Variants in SOX5 observed in about 807,000 individuals in gnomAD.
The protein encoded by SOX5 is SRY-box transcription factor 5, also known as transcription factor SOX-5.
In SOX5, 9 loss-of-function variants were observed where a neutral mutation model predicts 92.0. The ratio of observed to expected loss-of-function variants is 0.10; its 90% CI spans 0.06 to 0.17. SOX5 has a LOEUF of 0.17. Among genes scored for constraint, SOX5 ranks in the 10% least tolerant of loss-of-function variants. The pLI is 1.00. For synonymous variants in SOX5, 344 were observed against 336.3 expected, an observed-to-expected ratio of 1.02 and a Z score of -0.25; for missense variants, 642 against 944.5, an observed-to-expected ratio of 0.68 and a Z score of 4.20.
chr12:23,643,936 A>G (rs1429928258), intron 7 of SOX5, among the ~76,000 whole-genome samples: 5 of 152,134 alleles, frequency 3.3e-5, no homozygotes, highest in African/African-American at 7.2e-5. Flanking sequence ...GCACATTTTT[A>G]GAACCCACCC....
At chr12:24,106,093 C>A (rs531305660) in intron 4 of SOX5, among the ~76,000 whole-genome samples, 13 of 151,192 alleles carry the variant, frequency 8.6e-5, no homozygotes, top group Non-Finnish European at 1.5e-4. Context: ...AAACTAAAAT[C>A]ATTTGCATTT....
At chr12:24,099,044 A>G (rs955127189) in intron 4 of SOX5, among the ~76,000 whole-genome samples, 4 of 152,172 alleles carry the variant, frequency 2.6e-5, no homozygotes, top group African/African-American at 9.6e-5. Flanking sequence ...CACTTCTCTA[A>G]GAGGTCAAAA....
chr12:24,005,747 G>A (rs1417543005), intron 4 of SOX5, among the ~76,000 whole-genome samples: 1 of 152,132 alleles, frequency 6.6e-6, no homozygotes, highest in Non-Finnish European at 1.5e-5. Context: ...GTGAATGAAT[G>A]ATGTCACAGA....
intron 1 of SOX5, among the ~76,000 whole-genome samples, chr12:24,426,998 T>C (rs1966839985): frequency 6.6e-6 from 1 of 152,206 alleles, no homozygotes. Flanking sequence ...ATTCCTGAAC[T>C]TTTAAACTAT....
At chr12:24,042,854 G>T (rs1392747178) in intron 4 of SOX5, among the ~76,000 whole-genome samples, 1 of 152,134 alleles carries the variant, frequency 6.6e-6, no homozygotes, top group South Asian at 2.1e-4. Context: ...AAAATACAGT[G>T]CTGGCATTTG....
intron 2 of SOX5, among the ~76,000 whole-genome samples, chr12:24,293,877 C>A (rs1257459021): frequency 6.6e-6 from 1 of 152,120 alleles, no homozygotes; most frequent in African/African-American, 2.4e-5. Flanking sequence ...CATAAAGTAT[C>A]AAACCTAGTT....
At chr12:23,847,865 CGCACGTTAAGTGAAG>C (rs2096591784) in intron 2 of SOX5, among the ~76,000 whole-genome samples, 1 of 151,984 alleles carries the variant, frequency 6.6e-6, no homozygotes, top group Admixed American at 6.6e-5. Context: ...TACAAACTCC[CGCACGTTAAGTGAAG>C]GTACACTTCT....
chr12:23,638,071 T>TA (rs1010359837), intron 8 of SOX5: 84 of 138,196 alleles, frequency 6.1e-4, no homozygotes, highest in Middle Eastern at 3.7e-3. Flanking sequence ...ACACCCCAAA[T>TA]AAAAAAAAAA....
intron 2 of SOX5, among the ~76,000 whole-genome samples, chr12:23,860,723 C>T (rs1226122922): frequency 6.6e-6 from 1 of 152,042 alleles, no homozygotes; most frequent in Non-Finnish European, 1.5e-5. Flanking sequence ...AAAATAATGA[C>T]TTATGAAGCA....
intron 3 of SOX5, among the ~76,000 whole-genome samples, chr12:24,244,247 G>A (rs1035575830): frequency 4.6e-5 from 7 of 152,058 alleles, no homozygotes; most frequent in African/African-American, 9.7e-5. Flanking sequence ...ACGGGCGATC[G>A]GCTACACCTT....
chr12:23,874,288 T>C (rs2096904393), intron 2 of SOX5, among the ~76,000 whole-genome samples: 2 of 152,320 alleles, frequency 1.3e-5, no homozygotes, highest in African/African-American at 4.8e-5. Flanking sequence ...GCCTAATAAA[T>C]TGGCACTATA....
intron 3 of SOX5, among the ~76,000 whole-genome samples, chr12:24,225,596 G>A (rs912051864): frequency 1.3e-5 from 2 of 152,066 alleles, no homozygotes; most frequent in Non-Finnish European, 2.9e-5. Flanking sequence ...ACACACTCAG[G>A]AGAGTTGGTT....
At chr12:24,073,005 C>A (rs1942006078) in intron 4 of SOX5, among the ~76,000 whole-genome samples, 1 of 151,980 alleles carries the variant, frequency 6.6e-6, no homozygotes, top group Non-Finnish European at 1.5e-5. Context: ...AAAATGGATA[C>A]CTCAAAGAAA....
intron 4 of SOX5, among the ~76,000 whole-genome samples, chr12:23,973,350 G>C (rs1172766388): frequency 6.6e-6 from 1 of 151,466 alleles, no homozygotes; most frequent in East Asian, 1.9e-4. Flanking sequence ...TTATAAAGAT[G>C]GGGTTTCACC....
intron 13 of SOX5, among the ~76,000 whole-genome samples, chr12:23,541,313 T>C (rs959527594): frequency 3.3e-5 from 5 of 152,218 alleles, no homozygotes; most frequent in South Asian, 2.1e-4. Flanking sequence ...GACACAAGAA[T>C]TGAATAATAT....
intron 2 of SOX5, among the ~76,000 whole-genome samples, chr12:24,350,432 C>A (rs1473587349): frequency 6.6e-6 from 1 of 152,180 alleles, no homozygotes; most frequent in Non-Finnish European, 1.5e-5. Flanking sequence ...GCAACCTCAA[C>A]CTCCCAGGCT....
intron 1 of SOX5, among the ~76,000 whole-genome samples, chr12:24,461,029 C>A (rs1053046505): frequency 6.6e-6 from 1 of 152,168 alleles, no homozygotes; most frequent in South Asian, 2.1e-4. Flanking sequence ...CCAATAGATT[C>A]TTGCTGTCCC....
chr12:23,608,518 C>G (rs547818536), intron 8 of SOX5, among the ~76,000 whole-genome samples: 2 of 152,238 alleles, frequency 1.3e-5, no homozygotes, highest in East Asian at 3.9e-4. Context: ...TCAAATTGCT[C>G]CATAACCTAG....
At chr12:24,355,282 C>CAATTTTTTTTTTTTTT (rs1221012836) in intron 2 of SOX5, among the ~76,000 whole-genome samples, 1 of 71,920 alleles carries the variant, frequency 1.4e-5, no homozygotes, top group Non-Finnish European at 2.3e-5. Flanking sequence ...AGGGGTGCAT[C>CAATTTTTTTTTTTTTT]TTTTTTTTTT....
Sources: gnomAD v4.1 joint callset for allele counts (sites outside exome capture counted in the v4.1 genomes callset) on GRCh38, gnomAD v4.1.1 for gene constraint, MANE v1.5 for transcripts, NCBI Gene and HGNC (gene_info 2026-07-23, HGNC 2026-07-21) for gene names.